RNLS: variants seen among roughly 807,000 people sequenced by gnomAD.
RNLS encodes renalase, FAD dependent amine oxidase, also known as renalase.
A neutral mutation model predicts 39.8 loss-of-function variants in RNLS; 39 were observed. The observed-to-expected ratio is 0.98, with a 90% CI of 0.76 to 1.28. The LOEUF (loss-of-function observed/expected upper bound fraction) is 1.28, where lower values mean the gene tolerates loss of function less well. Among genes scored for constraint, RNLS ranks in the 50% most tolerant of loss-of-function variants. The probability of loss-of-function intolerance (pLI) is 0.00; values close to 1 mark genes in which losing one functional copy is unlikely to be tolerated. For missense variants in RNLS, 410 were observed against 413.3 expected (o/e 0.99, Z 0.07); for synonymous variants, 147 against 150.7 (o/e 0.98, Z 0.18).
At chr10:88,276,988 T>C (rs1343322350) in intron 6 of RNLS, among the ~76,000 whole-genome samples, 12 of 152,180 alleles carry the variant, frequency 7.9e-5, no homozygotes, top group Non-Finnish European at 7.3e-5. Flanking sequence ...TAGTCCTTTG[T>C]TGATTATAAA....
intron 1 of RNLS, among the ~76,000 whole-genome samples, 163 bp downstream of exon 1, chr10:88,582,910 T>G (rs1850712077): frequency 1.3e-5 from 2 of 152,216 alleles, no homozygotes; most frequent in South Asian, 4.1e-4. Flanking sequence ...CCCGATCACG[T>G]GACGAGGCGC....
chr10:88,406,467 C>A (rs1853280165), intron 4 of RNLS, among the ~76,000 whole-genome samples: 1 of 152,018 alleles, frequency 6.6e-6, no homozygotes, highest in South Asian at 2.1e-4. Flanking sequence ...AATTCGAAGA[C>A]CTTGTCTTTG....
chr10:88,363,970 ATATT>A (rs979177509), intron 4 of RNLS, among the ~76,000 whole-genome samples: 4 of 152,174 alleles, frequency 2.6e-5, no homozygotes, highest in African/African-American at 9.7e-5. Flanking sequence ...GATAGAAAAA[ATATT>A]TAGGAAAATG....
chr10:88,493,142 T>G (rs1844977055), intron 4 of RNLS, among the ~76,000 whole-genome samples: 1 of 152,150 alleles, frequency 6.6e-6, no homozygotes, highest in Non-Finnish European at 1.5e-5. Flanking sequence ...CTCTGGCATG[T>G]GTTCTACTTG....
At chr10:88,179,707 C>A in the RNLS span, among the ~76,000 whole-genome samples, 5 of 152,210 alleles carry the variant, frequency 3.3e-5, no homozygotes, top group Admixed American at 6.5e-5. Context: ...AGGACTTTGG[C>A]AGGAGAGCCC....
the RNLS span, among the ~76,000 whole-genome samples, chr10:88,195,692 ATAGT>A: frequency 6.6e-6 from 1 of 152,226 alleles, no homozygotes; most frequent in African/African-American, 2.4e-5. Flanking sequence ...GGGAACTGAA[ATAGT>A]TAGCACTGTG....
intron 4 of RNLS, among the ~76,000 whole-genome samples, chr10:88,449,989 T>A (rs939149462): frequency 1.3e-5 from 2 of 152,006 alleles, no homozygotes; most frequent in African/African-American, 4.8e-5. Context: ...GTTAACAGTT[T>A]TGAAAGCCAA....
chr10:88,194,894 A>T, the RNLS span, among the ~76,000 whole-genome samples: 1 of 151,974 alleles, frequency 6.6e-6, no homozygotes, highest in Non-Finnish European at 1.5e-5. Flanking sequence ...TTCATATAAT[A>T]AAAAGTACTG....
chr10:88,523,029 T>C (rs1846854486), intron 4 of RNLS, among the ~76,000 whole-genome samples: 1 of 152,014 alleles, frequency 6.6e-6, no homozygotes, highest in Non-Finnish European at 1.5e-5. Context: ...TTAGCATGAG[T>C]GTGCAGCTAT....
At chr10:88,510,189 GTA>G (rs1203946205) in intron 4 of RNLS, among the ~76,000 whole-genome samples, 1 of 152,054 alleles carries the variant, frequency 6.6e-6, no homozygotes, top group East Asian at 1.9e-4. Flanking sequence ...ATAGCACGGT[GTA>G]TATATAAATT....
At chr10:88,551,966 T>C (rs1848624713) in intron 4 of RNLS, among the ~76,000 whole-genome samples, 1 of 152,218 alleles carries the variant, frequency 6.6e-6, no homozygotes, top group South Asian at 2.1e-4. Context: ...GAAAACGAAC[T>C]AAAGTTTGTT....
chr10:88,379,140 A>T (rs917141228), intron 4 of RNLS, among the ~76,000 whole-genome samples: 1 of 152,210 alleles, frequency 6.6e-6, no homozygotes, highest in African/African-American at 2.4e-5. Context: ...TTTCAGCTCC[A>T]TTACAATCTT....
intron 4 of RNLS, among the ~76,000 whole-genome samples, chr10:88,568,604 G>C (rs928475220): frequency 6.6e-6 from 1 of 151,878 alleles, no homozygotes; most frequent in East Asian, 1.9e-4. Flanking sequence ...TCCCAAGCAG[G>C]GAAGAGCATA....
At chr10:88,179,371 T>C in the RNLS span, among the ~76,000 whole-genome samples, 1 of 152,194 alleles carries the variant, frequency 6.6e-6, no homozygotes, top group Non-Finnish European at 1.5e-5. Context: ...GGCTAGTTAG[T>C]AGAATGTTAG....
chr10:88,343,964 T>A (rs762849817), intron 5 of RNLS, among the ~76,000 whole-genome samples: 10 of 152,304 alleles, frequency 6.6e-5, no homozygotes, highest in Middle Eastern at 3.4e-3. Context: ...ATGATGACAG[T>A]CCACTAAAAT....
At chr10:88,391,199 TA>T (rs1589713968) in intron 4 of RNLS, among the ~76,000 whole-genome samples, 1 of 152,226 alleles carries the variant, frequency 6.6e-6, no homozygotes, top group Non-Finnish European at 1.5e-5. Context: ...CATTTTCAAT[TA>T]TTATTATGAT....
At chr10:88,209,278 G>A in the RNLS span, among the ~76,000 whole-genome samples, 1 of 152,124 alleles carries the variant, frequency 6.6e-6, no homozygotes, top group South Asian at 2.1e-4. Context: ...GGACATTGCA[G>A]ATGTAGTTAT....
At chr10:88,534,994 A>G (rs1391709582) in intron 4 of RNLS, among the ~76,000 whole-genome samples, 1 of 152,178 alleles carries the variant, frequency 6.6e-6, no homozygotes, top group African/African-American at 2.4e-5. Flanking sequence ...ACATAAATAA[A>G]TATGAGAGAC....
chr10:88,364,580 T>A (rs1054674383), intron 4 of RNLS, among the ~76,000 whole-genome samples: 1 of 152,158 alleles, frequency 6.6e-6, no homozygotes, highest in Admixed American at 6.6e-5. Flanking sequence ...CCCTATACTT[T>A]CCTCTGCTCA....
Sources: gnomAD v4.1 joint callset for allele counts (sites outside exome capture counted in the v4.1 genomes callset) on GRCh38, gnomAD v4.1.1 for gene constraint, MANE v1.5 for transcripts, NCBI Gene and HGNC (gene_info 2026-07-23, HGNC 2026-07-21) for gene names.